Variants in STK24 observed in about 807,000 individuals in gnomAD.
The protein encoded by STK24 is serine/threonine-protein kinase 24.
In STK24, 21 loss-of-function variants were observed where a neutral mutation model predicts 55.6. That is an observed-to-expected ratio of 0.38 (90% CI 0.27 to 0.54). The LOEUF (loss-of-function observed/expected upper bound fraction) is 0.54. Among genes scored for constraint, STK24 ranks in the 20% least tolerant of loss-of-function variants. The pLI is 0.79. For missense variants in STK24, 383 were observed against 538.4 expected (o/e 0.71, Z 2.86); for synonymous variants, 200 against 215.2 (o/e 0.93, Z 0.62).
intron 10 of STK24, 132 bp from the exon 11 acceptor site, chr13:98,453,341 A>C: frequency 1.2e-6 from 1 of 860,292 alleles, no homozygotes; most frequent in Non-Finnish European, 1.8e-6. Context: ...AGCAAATATC[A>C]ATGTGTAAGT....
intron 9 of STK24, among the ~76,000 whole-genome samples, chr13:98,458,955 G>C (rs3783006): frequency 0.4 from 60,159 of 152,102 alleles, 12,198 homozygotes; most frequent in Middle Eastern, 0.47. Context: ...AATACATTGG[G>C]AAAGATGCCT....
intron 2 of STK24, among the ~76,000 whole-genome samples, chr13:98,519,018 T>G (rs1896169110): frequency 6.6e-6 from 1 of 152,204 alleles, no homozygotes; most frequent in South Asian, 2.1e-4. Context: ...TCTTCCTTAT[T>G]CAAAAGAGAA....
At chr13:98,476,435 C>CT (rs1219337319) in intron 3 of STK24, among the ~76,000 whole-genome samples, 22 of 152,204 alleles carry the variant, frequency 1.4e-4, no homozygotes, top group South Asian at 1.2e-3. Flanking sequence ...CAGTGAATGT[C>CT]TTCACAGCCC....
chr13:98,540,769 A>AAT (rs1227383749), intron 1 of STK24, among the ~76,000 whole-genome samples: 2 of 151,492 alleles, frequency 1.3e-5, no homozygotes, highest in South Asian at 2.1e-4. Context: ...AAAGCAAAAA[A>AAT]AAAAAAAAAA....
chr13:98,576,255 C>G, intron 1 of STK24: 1 of 979,116 alleles, frequency 1.0e-6, no homozygotes, highest in Non-Finnish European at 1.2e-6. Context: ...CGAGTCCAGG[C>G]GCGCTCCCCG....
At chr13:98,488,905 G>A (rs1309905095) in intron 2 of STK24, among the ~76,000 whole-genome samples, 1 of 152,232 alleles carries the variant, frequency 6.6e-6, no homozygotes, top group Non-Finnish European at 1.5e-5. Context: ...CACCTGAAAT[G>A]CCCTTGGCAG....
chr13:98,549,262 T>C (rs968188625), intron 1 of STK24, among the ~76,000 whole-genome samples: 48 of 152,256 alleles, frequency 3.2e-4, no homozygotes, highest in African/African-American at 1.1e-3. Context: ...CTTACAGTTC[T>C]GGAGGTTGGG....
intron 2 of STK24, among the ~76,000 whole-genome samples, chr13:98,489,978 A>G (rs373919028): frequency 1.2e-4 from 19 of 152,336 alleles, no homozygotes; most frequent in African/African-American, 4.6e-4. Flanking sequence ...GAAAGGCCCA[A>G]AACGGTTCTA....
intron 1 of STK24, among the ~76,000 whole-genome samples, chr13:98,539,156 G>A (rs945000025): frequency 3.9e-5 from 6 of 152,226 alleles, no homozygotes; most frequent in South Asian, 2.1e-4. Context: ...CAGCTGTGCC[G>A]CCCTGAAGCA....
At position 98,450,137 on chromosome 13, in the gene STK24, G is replaced by A. The variant is rs1384815112; in HGVS notation, c.*3036C>T. Reference sequence around the variant, plus strand: ...GTGCCCTCAAGAAAATACTAGTGTGGGTAACAGTCCATCTGAGTGGAGTTT... The same window carrying A: ...GTGCCCTCAAGAAAATACTAGTGTGAGTAACAGTCCATCTGAGTGGAGTTT... On this transcript the variant is annotated 3_prime_UTR_variant, in exon 11 of 11. Transcript: ENST00000539966. 6.6e-6 allele frequency: 1 copy of A among 152,156 alleles called. No individual in the cohort carries two copies. Among genetic ancestry groups the A allele is most frequent in the East Asian group, 1.9e-4 (1 of 5,188 alleles). 9.4% of individuals were successfully genotyped at this position (152,156 alleles called of 1,614,324 possible). A position where few individuals can be genotyped will look rare whatever the true frequency, so the allele number is the denominator to read the frequency against.
intron 1 of STK24, among the ~76,000 whole-genome samples, chr13:98,522,560 C>T (rs1205448764): frequency 5.9e-5 from 9 of 152,198 alleles, no homozygotes; most frequent in Non-Finnish European, 1.0e-4. Context: ...ACCCCCCAGA[C>T]CAGCTGCTTC....
chr13:98,468,235 A>G (rs1178954250), intron 5 of STK24, among the ~76,000 whole-genome samples: 1 of 152,218 alleles, frequency 6.6e-6, no homozygotes, highest in Non-Finnish European at 1.5e-5. Flanking sequence ...GAAGATGAAA[A>G]GCTGCCAGCA....
At chr13:98,510,546 T>C (rs749639228) in intron 2 of STK24, among the ~76,000 whole-genome samples, 11 of 152,096 alleles carry the variant, frequency 7.2e-5, no homozygotes, top group Admixed American at 5.9e-4. Flanking sequence ...AACTGATAAA[T>C]AGATAACAAA....
rs189877119 is a variant in STK24, at chr13:98,470,752, T to C, written c.597+4069A>G. Among the ~76,000 whole-genome samples the C allele has an allele frequency of 2.0e-5, 3 of 152,354 alleles. No homozygotes were observed. In the East Asian group the frequency reaches 5.8e-4, roughly 29 times the overall value. ...GCAACAGCATCCTACATCTTCACAATATCATGTCAAATAAAGTACGCTAGC... is the reference window on the plus strand; with the variant it reads ...GCAACAGCATCCTACATCTTCACAACATCATGTCAAATAAAGTACGCTAGC... On this transcript the variant is annotated intron_variant, in intron 5 of 10. Coordinates refer to ENST00000539966, the MANE Select transcript of STK24 (RefSeq NM_001032296.4).
Position 98,445,843 on chromosome 13 carries a change from G to A in STK24, c.*7330C>T, listed in dbSNP as rs968402536. 13 of 404,364 alleles carry A rather than the reference G, an allele frequency of 3.2e-5. No homozygotes were observed. In the East Asian group the frequency reaches 6.0e-4, roughly 19 times the overall value. The allele number at this position is 404,364 out of a possible 1,614,324, so 25.0% of individuals were successfully genotyped here. On this transcript the variant is annotated 3_prime_UTR_variant, in exon 11 of 11. Transcript: ENST00000539966. ...AAGCCTGTGTTCTAAGGTACTGGTA[G>A]TCAGGACCTCAACGTGTCTTTTGGG...
intron 1 of STK24, among the ~76,000 whole-genome samples, chr13:98,573,638 G>T (rs1897798807): frequency 6.6e-6 from 1 of 152,202 alleles, no homozygotes; most frequent in African/African-American, 2.4e-5. Flanking sequence ...GTTGCTGATT[G>T]AATAAATTAA....
At chr13:98,530,100 G>GATATACACACACACACGCACACACACAC (rs1896542515) in intron 1 of STK24, among the ~76,000 whole-genome samples, 1 of 61,448 alleles carries the variant, frequency 1.6e-5, no homozygotes, top group Non-Finnish European at 3.6e-5. Flanking sequence ...AACACACACA[G>GATATACACACACACACGCACACACACAC]ATATACACAC....
Position 98,446,993 on chromosome 13 carries a change from AGT to A in STK24, c.*6178_*6179del, listed in dbSNP as rs2139178243. ...AGGCGATTCTGTTCTCATGGCAGAAAGTGGGGTCCCAACTTCCCTGCGCCCTT... is the reference window on the plus strand; with the variant it reads ...AGGCGATTCTGTTCTCATGGCAGAAAGGGGTCCCAACTTCCCTGCGCCCTT... On this transcript the variant is annotated 3_prime_UTR_variant, in exon 11 of 11. Transcript: ENST00000539966. 2 of 646,028 alleles carry A rather than the reference AGT, an allele frequency of 3.1e-6. No individual in the cohort carries two copies. Among genetic ancestry groups the A allele is most frequent in the South Asian group, 3.8e-5 (2 of 51,990 alleles). The allele number at this position is 646,028 out of a possible 1,614,324, so 40.0% of individuals were successfully genotyped here.
chr13:98,498,779 TGCAGACCCATG>T (rs1895339049), intron 2 of STK24, among the ~76,000 whole-genome samples: 1 of 152,118 alleles, frequency 6.6e-6, no homozygotes, highest in South Asian at 2.1e-4. Flanking sequence ...TCCTCCTGTC[TGCAGACCCATG>T]GCAGACACAG....
Sources: gnomAD v4.1 joint callset for allele counts (sites outside exome capture counted in the v4.1 genomes callset) on GRCh38, gnomAD v4.1.1 for gene constraint, MANE v1.5 for transcripts, NCBI Gene and HGNC (gene_info 2026-07-23, HGNC 2026-07-21) for gene names.